AHCYL2: variants seen among roughly 807,000 people sequenced by gnomAD.
AHCYL2 encodes adenosylhomocysteinase like 2, also known as S-adenosylhomocysteine hydrolase-like protein 2.
A neutral mutation model predicts 81.4 loss-of-function variants in AHCYL2; 28 were observed. The observed-to-expected ratio is 0.34, with a 90% CI of 0.25 to 0.47. AHCYL2 has a LOEUF of 0.47. Among genes scored for constraint, AHCYL2 ranks in the 20% least tolerant of loss-of-function variants. The pLI, the probability that AHCYL2 is intolerant of heterozygous loss-of-function variation, is 1.00. For missense variants in AHCYL2, 551 were observed against 785.1 expected (o/e 0.70, Z 3.56); for synonymous variants, 272 against 290.2 (o/e 0.94, Z 0.64).
intron 1 of AHCYL2, among the ~76,000 whole-genome samples, chr7:129,349,488 A>AC (rs1554484829): frequency 1.4e-4 from 20 of 145,192 alleles, no homozygotes; most frequent in Admixed American, 5.6e-4. Context: ...AAAAAAAAAA[A>AC]CCCACAAAAA....
chr7:129,239,769 T>A (rs945195018), intron 1 of AHCYL2, among the ~76,000 whole-genome samples: 81 of 151,258 alleles, frequency 5.4e-4, no homozygotes, highest in African/African-American at 1.6e-3. Flanking sequence ...GGCACAGATA[T>A]ATAGAGACAG....
chr7:129,334,590 T>C (rs1009798726), intron 1 of AHCYL2, among the ~76,000 whole-genome samples: 1 of 152,234 alleles, frequency 6.6e-6, no homozygotes, highest in Non-Finnish European at 1.5e-5. Context: ...GCACTTCTAC[T>C]ATCACTGCTT....
At chr7:129,240,220 A>G (rs1794802292) in intron 1 of AHCYL2, among the ~76,000 whole-genome samples, 3 of 150,788 alleles carry the variant, frequency 2.0e-5, no homozygotes, top group African/African-American at 4.9e-5. Context: ...ATCCGCCTCA[A>G]AAAAAAAAAA....
In AHCYL2 at chr7:129,245,999, C is replaced by T. The variant is rs564340055; in HGVS notation, c.363+20560C>T. Among the ~76,000 whole-genome samples, 54 of 151,994 alleles carry T rather than the reference C, an allele frequency of 3.6e-4. 2 individuals are homozygous for T. In the South Asian group the frequency reaches 8.5e-3, roughly 24 times the overall value. Reference sequence around the variant, plus strand: ...TACAAGGATTCTAATTTTTATACATCGACAACACTTATTTCGTTTTTTGAT... The same window carrying T: ...TACAAGGATTCTAATTTTTATACATTGACAACACTTATTTCGTTTTTTGAT... On this transcript the variant is annotated intron_variant, in intron 1 of 16. Coordinates refer to ENST00000325006, the MANE Select transcript of AHCYL2 (RefSeq NM_015328.4).
At chr7:129,358,370 A>C (rs765137768) in intron 1 of AHCYL2, among the ~76,000 whole-genome samples, 10 of 152,002 alleles carry the variant, frequency 6.6e-5, no homozygotes, top group Non-Finnish European at 1.2e-4. Flanking sequence ...CCAGCCTGGG[A>C]GACAGAGCGA....
chr7:129,387,243 G>A (rs1459759268), intron 2 of AHCYL2, among the ~76,000 whole-genome samples: 1 of 152,156 alleles, frequency 6.6e-6, no homozygotes, highest in African/African-American at 2.4e-5. Context: ...ATGAAGATAA[G>A]GACCATCTAT....
intron 1 of AHCYL2, among the ~76,000 whole-genome samples, chr7:129,297,848 A>C (rs1797106560): frequency 1.3e-5 from 2 of 152,038 alleles, no homozygotes; most frequent in South Asian, 4.2e-4. Context: ...ACATAGGGAG[A>C]GCCAGTCTCT....
At chr7:129,391,027 A>C (rs913150671) in intron 4 of AHCYL2, among the ~76,000 whole-genome samples, 2 of 152,228 alleles carry the variant, frequency 1.3e-5, no homozygotes, top group Non-Finnish European at 2.9e-5. Flanking sequence ...GGAATAAAAA[A>C]AGTACAATAC....
At chr7:129,277,914 T>G (rs1359742998) in intron 1 of AHCYL2, among the ~76,000 whole-genome samples, 2 of 152,246 alleles carry the variant, frequency 1.3e-5, no homozygotes, top group African/African-American at 4.8e-5. Flanking sequence ...TTATTAGAGA[T>G]ATGTTTTTGT....
chr7:129,236,598 C>T (rs2150682779), intron 1 of AHCYL2, among the ~76,000 whole-genome samples: 1 of 152,282 alleles, frequency 6.6e-6, no homozygotes, highest in African/African-American at 2.4e-5. Flanking sequence ...GCCTCAGCCT[C>T]CCAAAGAGGC....
intron 1 of AHCYL2, among the ~76,000 whole-genome samples, chr7:129,353,055 C>T (rs968574309): frequency 1.3e-5 from 2 of 149,662 alleles, no homozygotes; most frequent in Non-Finnish European, 3.0e-5. Flanking sequence ...AAGCGATTCT[C>T]CTGCCTCAGC....
chr7:129,284,546 C>T (rs1166735864), intron 1 of AHCYL2, among the ~76,000 whole-genome samples: 5 of 150,244 alleles, frequency 3.3e-5, no homozygotes, highest in Non-Finnish European at 1.5e-5. Context: ...TTACAGTGAG[C>T]CAAGATCGCA....
intron 1 of AHCYL2, among the ~76,000 whole-genome samples, chr7:129,320,258 C>G (rs1797969155): frequency 6.6e-6 from 1 of 152,012 alleles, no homozygotes; most frequent in African/African-American, 2.4e-5. Context: ...AAATACATTG[C>G]CACATAATAT....
chr7:129,269,902 T>C (rs963050853), intron 1 of AHCYL2, among the ~76,000 whole-genome samples: 1 of 152,236 alleles, frequency 6.6e-6, no homozygotes, highest in African/African-American at 2.4e-5. Context: ...ATATTCTTTA[T>C]TGATATTGTT....
At chr7:129,267,230 GGTGTGTGTGTGTGTGTGTGT>G (rs769745702) in intron 1 of AHCYL2, among the ~76,000 whole-genome samples, 2 of 59,160 alleles carry the variant, frequency 3.4e-5, no homozygotes, top group Admixed American at 2.0e-4. Context: ...TCACTCAAGG[GGTGTGTGTGTGTGTGTGTGT>G]GTGTGTGTGT....
At chr7:129,352,391 T>C (rs944218517) in intron 1 of AHCYL2, among the ~76,000 whole-genome samples, 2 of 152,224 alleles carry the variant, frequency 1.3e-5, no homozygotes, top group African/African-American at 4.8e-5. Flanking sequence ...GTCCCCGGTG[T>C]AGACCTCGTA....
intron 1 of AHCYL2, among the ~76,000 whole-genome samples, chr7:129,347,607 T>G (rs1793407596): frequency 6.6e-6 from 1 of 152,168 alleles, no homozygotes; most frequent in South Asian, 2.1e-4. Context: ...ATGGGAAAGT[T>G]TTGCTTCCCT....
chr7:129,409,415 C>A, intron 10 of AHCYL2, 61 bp from the exon 11 acceptor site: 1 of 1,314,260 alleles, frequency 7.6e-7, no homozygotes, highest in Non-Finnish European at 1.1e-6. Flanking sequence ...TTTTGAAGTC[C>A]TGTGTTAAAA....
intron 1 of AHCYL2, among the ~76,000 whole-genome samples, chr7:129,360,836 C>T (rs1355236666): frequency 6.6e-6 from 1 of 152,146 alleles, no homozygotes; most frequent in Non-Finnish European, 1.5e-5. Context: ...TCTTATATGT[C>T]ATCATGCTAA....
Sources: allele counts gnomAD v4.1 joint callset (sites outside exome capture counted in the v4.1 genomes callset), GRCh38; gene constraint gnomAD v4.1.1; transcripts MANE v1.5; gene names NCBI Gene and HGNC (gene_info 2026-07-23, HGNC 2026-07-21).